GAS2L3: variants seen among roughly 807,000 people sequenced by gnomAD.
GAS2L3 encodes growth arrest specific 2 like 3.
In GAS2L3, 28 loss-of-function variants were observed where a neutral mutation model predicts 37.0. The observed-to-expected ratio is 0.76, with a 90% CI of 0.56 to 1.04. GAS2L3 has a LOEUF of 1.04. Ranked by LOEUF, GAS2L3 falls within the 50% of genes least tolerant of loss-of-function variation. The pLI is 0.00. For synonymous variants in GAS2L3, 290 were observed against 296.6 expected, an observed-to-expected ratio of 0.98 and a Z score of 0.23; for missense variants, 793 against 817.6, an observed-to-expected ratio of 0.97 and a Z score of 0.37.
At chr12:100,596,028 G>C (rs1371395828) in intron 3 of GAS2L3, among the ~76,000 whole-genome samples, 1 of 151,862 alleles carries the variant, frequency 6.6e-6, no homozygotes, top group Non-Finnish European at 1.5e-5. Context: ...AAATGGTTAA[G>C]AACAGCCCTG....
chr12:100,623,587 T>A lies in GAS2L3; in HGVS notation c.782T>A (p.Val261Asp), dbSNP rs1336330874. 1 of 1,606,532 alleles carries A rather than the reference T, an allele frequency of 6.2e-7. No individual in the cohort carries two copies. The highest frequency in any genetic ancestry group is 8.5e-7 in the Non-Finnish European group (1 of 1,176,580). The change falls in exon 10 of 10, where the codon GTT becomes GAT. Residue 261 changes from valine to aspartate, a missense_variant. Physicochemically the swap from Val to Asp is radical, Grantham distance 152 (BLOSUM62 -3). Transcript: ENST00000547754. ...IRMLHGKHVM[V>D]RVGGGWDTLQ... ...ATGCTTCATGGAAAACATGTCATGG[T>A]TCGCGTTGGTGGAGGCTGGGATACT...
At position 100,624,990 on chromosome 12, in the gene GAS2L3, C is replaced by A; in HGVS notation, c.*100C>A. 1.1e-6 allele frequency: 1 copy of A among 905,822 alleles called. No individual in the cohort carries two copies. The highest frequency in any genetic ancestry group is 1.7e-6 in the Non-Finnish European group (1 of 591,674). 56.1% of individuals were successfully genotyped at this position (905,822 alleles called of 1,614,324 possible). On this transcript the variant is annotated 3_prime_UTR_variant, in exon 10 of 10. Coordinates refer to ENST00000547754, the MANE Select transcript of GAS2L3 (RefSeq NM_174942.3). The stretch of plus-strand genomic sequence containing the variant: ...TTGTGTCTGTCTAAATAGGTGCAGA[C>A]ACTAAGGATAGTGAGGATGGAGGCT...
chr12:100,591,201 C>G (rs775072890), intron 1 of GAS2L3, among the ~76,000 whole-genome samples: 6 of 152,242 alleles, frequency 3.9e-5, no homozygotes, highest in Non-Finnish European at 8.8e-5. Flanking sequence ...ATGTTCATCA[C>G]TGTGTCTCTT....
intron 3 of GAS2L3, among the ~76,000 whole-genome samples, 191 bp downstream of exon 3, chr12:100,595,113 C>A (rs1033640760): frequency 2.0e-5 from 3 of 151,786 alleles, no homozygotes; most frequent in Non-Finnish European, 4.4e-5. Flanking sequence ...TTTGTTTATA[C>A]TGAATATTTG....
intron 1 of GAS2L3, among the ~76,000 whole-genome samples, chr12:100,581,507 T>A (rs1955712089): frequency 6.6e-6 from 1 of 152,218 alleles, no homozygotes; most frequent in South Asian, 2.1e-4. Flanking sequence ...TTTTAAAAAA[T>A]GACAAAATTC....
chr12:100,575,335 C>G (rs921740504), intron 1 of GAS2L3, among the ~76,000 whole-genome samples: 17 of 151,924 alleles, frequency 1.1e-4, no homozygotes, highest in African/African-American at 3.9e-4. Context: ...ACATGTAAAG[C>G]ATTTAAAACA....
chr12:100,625,873 A>G lies in GAS2L3; in HGVS notation c.*983A>G, dbSNP rs1217028257. 3 of 152,196 alleles carry G rather than the reference A, an allele frequency of 2.0e-5. No homozygotes were observed. The highest frequency in any genetic ancestry group is 7.2e-5 in the African/African-American group (3 of 41,458). 9.4% of individuals were successfully genotyped at this position (152,196 alleles called of 1,614,324 possible). ...ATCATGAAATTATTTTTCTCTAGAT[A>G]GCACAATACCAATTTTAATTAATTT... On this transcript the variant is annotated 3_prime_UTR_variant, in exon 10 of 10. Transcript: ENST00000547754.
chr12:100,602,478 T>C (rs991952299), intron 5 of GAS2L3, among the ~76,000 whole-genome samples: 1 of 151,770 alleles, frequency 6.6e-6, no homozygotes, highest in Non-Finnish European at 1.5e-5. Context: ...TATATATCAC[T>C]GAAAATAAAG....
At position 100,618,546 on chromosome 12, in the gene GAS2L3, A is replaced by T. The variant is rs1439875718; in HGVS notation, c.607A>T (p.Ile203Phe). ...NTSGPEDSIS[I>F]PKSCCRHEEL... is the part of the protein sequence containing the mutation. Reference sequence around the variant, plus strand: ...TTCTGGGCCTGAAGATTCCATCAGCATTCCAAAATCATGCTGTCGGCATGA... The same window carrying T: ...TTCTGGGCCTGAAGATTCCATCAGCTTTCCAAAATCATGCTGTCGGCATGA... The change falls in exon 8 of 10, where the codon ATT becomes TTT. Residue 203 changes from isoleucine to phenylalanine, a missense_variant. By Grantham distance (21) the Ile-to-Phe change is conservative. Coordinates refer to ENST00000547754, the MANE Select transcript of GAS2L3 (RefSeq NM_174942.3). 2 of 1,612,360 alleles carry T rather than the reference A, an allele frequency of 1.2e-6. No individual in the cohort carries two copies. The highest frequency in any genetic ancestry group is 1.7e-6 in the Non-Finnish European group (2 of 1,179,328).
chr12:100,591,524 A>G (rs1955846425), intron 1 of GAS2L3, among the ~76,000 whole-genome samples: 1 of 152,182 alleles, frequency 6.6e-6, no homozygotes, highest in Admixed American at 6.5e-5. Flanking sequence ...AGCTTTCCAA[A>G]TTATGCCTAA....
chr12:100,580,207 T>C, intron 1 of GAS2L3: 1 of 662,556 alleles, frequency 1.5e-6, no homozygotes, highest in South Asian at 1.9e-5. Context: ...GAAGAGAGCC[T>C]ACATTGTAAG....
intron 1 of GAS2L3, among the ~76,000 whole-genome samples, chr12:100,576,974 G>A (rs564027733): frequency 2.0e-5 from 3 of 152,174 alleles, no homozygotes; most frequent in South Asian, 2.1e-4. Flanking sequence ...CAACATAAAC[G>A]TTTCTCTAAG....
chr12:100,614,324 A>G (rs1313692218), intron 6 of GAS2L3, among the ~76,000 whole-genome samples: 2 of 151,958 alleles, frequency 1.3e-5, no homozygotes, highest in African/African-American at 2.4e-5. Flanking sequence ...TTAGCTGGGC[A>G]TGGTGGTGCA....
chr12:100,600,085 G>T (rs1460558533), intron 3 of GAS2L3, among the ~76,000 whole-genome samples: 1 of 152,080 alleles, frequency 6.6e-6, no homozygotes, highest in African/African-American at 2.4e-5. Flanking sequence ...AACTTAGCTG[G>T]GTGTGGTGGC....
At chr12:100,608,753 C>T (rs537165620) in intron 5 of GAS2L3, among the ~76,000 whole-genome samples, 18 of 152,140 alleles carry the variant, frequency 1.2e-4, no homozygotes, top group East Asian at 5.8e-4. Context: ...CCTCGTGATC[C>T]GCCCGCCTCG....
At chr12:100,590,831 A>G (rs1027052401) in intron 1 of GAS2L3, among the ~76,000 whole-genome samples, 3 of 152,202 alleles carry the variant, frequency 2.0e-5, no homozygotes, top group African/African-American at 4.8e-5. Context: ...TAACTCAGGA[A>G]TGGAAAACCA....
intron 2 of GAS2L3, among the ~76,000 whole-genome samples, chr12:100,594,400 C>T (rs1482642305): frequency 6.6e-6 from 1 of 151,942 alleles, no homozygotes; most frequent in Non-Finnish European, 1.5e-5. Context: ...TCTTTATTAG[C>T]AGAATAAGCT....
chr12:100,581,051 GGACT>G (rs1200753123), intron 1 of GAS2L3, among the ~76,000 whole-genome samples: 2 of 151,978 alleles, frequency 1.3e-5, no homozygotes, highest in Non-Finnish European at 2.9e-5. Flanking sequence ...TAAATACTAG[GGACT>G]GATATCACTG....
chr12:100,617,417 G>A (rs1026252714), intron 6 of GAS2L3, among the ~76,000 whole-genome samples: 4 of 152,030 alleles, frequency 2.6e-5, no homozygotes, highest in African/African-American at 7.2e-5. Context: ...ATAAAATTGC[G>A]GTACTATATA....
Sources: allele counts gnomAD v4.1 joint callset (sites outside exome capture counted in the v4.1 genomes callset), GRCh38; gene constraint gnomAD v4.1.1; transcripts MANE v1.5; gene names NCBI Gene and HGNC (gene_info 2026-07-23, HGNC 2026-07-21).